ATXN7: variants seen among roughly 807,000 people sequenced by gnomAD.
ATXN7 encodes ataxin 7.
Under a neutral mutation model 70.5 loss-of-function variants are expected in ATXN7, and 12 were observed. The observed-to-expected ratio is 0.17, with a 90% CI of 0.11 to 0.28. The LOEUF (loss-of-function observed/expected upper bound fraction) is 0.28. Ranked by LOEUF, ATXN7 falls within the 10% of genes least tolerant of loss-of-function variation. The pLI is 1.00. For missense variants in ATXN7, 1,256 were observed against 1,131.7 expected (o/e 1.11, Z -1.58); for synonymous variants, 498 against 448.7 (o/e 1.11, Z -1.39).
At chr3:63,967,226 T>C (rs894603255) in intron 5 of ATXN7, among the ~76,000 whole-genome samples, 1 of 152,168 alleles carries the variant, frequency 6.6e-6, no homozygotes, top group African/African-American at 2.4e-5. Context: ...AATTCTTGGA[T>C]TTAAAAGTAT....
intron 6 of ATXN7, 137 bp downstream of exon 6, chr3:63,980,304 T>C (rs1575981952): frequency 8.3e-7 from 1 of 1,204,258 alleles, no homozygotes; most frequent in East Asian, 2.4e-5. Flanking sequence ...GTTGTATTGT[T>C]TCTTGATGTT....
intron 11 of ATXN7, among the ~76,000 whole-genome samples, chr3:63,994,883 C>A (rs1300796752): frequency 1.3e-5 from 2 of 152,238 alleles, no homozygotes; most frequent in African/African-American, 4.8e-5. Context: ...AAATACCTTG[C>A]CCACACATTC....
chr3:63,918,975 G>A (rs1255173517), intron 4 of ATXN7, among the ~76,000 whole-genome samples: 1 of 152,142 alleles, frequency 6.6e-6, no homozygotes, highest in African/African-American at 2.4e-5. Context: ...CAGCTCCTGT[G>A]CGTGTCTCCT....
intron 2 of ATXN7, among the ~76,000 whole-genome samples, chr3:63,903,386 C>CA (rs775558434): frequency 0.18 from 8,507 of 46,560 alleles, 672 homozygotes; most frequent in Middle Eastern, 0.24. Flanking sequence ...GACTCCGTCT[C>CA]AAAAAAAAAA....
intron 12 of ATXN7, chr3:63,998,112 T>C (rs1559664562): frequency 1.0e-6 from 1 of 983,334 alleles, no homozygotes; most frequent in Non-Finnish European, 1.2e-6. Context: ...TGCTGTAATG[T>C]CCATCTCACA....
intron 1 of ATXN7, among the ~76,000 whole-genome samples, chr3:63,880,295 A>G (rs926016752): frequency 2.0e-5 from 3 of 152,204 alleles, no homozygotes; most frequent in Non-Finnish European, 4.4e-5. Flanking sequence ...AAAGTGATGT[A>G]GTCTGTCTTT....
At chr3:63,865,898 A>C (rs1236119397) in intron 1 of ATXN7, among the ~76,000 whole-genome samples, 1 of 133,462 alleles carries the variant, frequency 7.5e-6, no homozygotes, top group Non-Finnish European at 1.6e-5. Flanking sequence ...CCATCTCAAA[A>C]AAAAAAAAAA....
At chr3:63,994,936 G>A (rs1444777488) in intron 11 of ATXN7, among the ~76,000 whole-genome samples, 1 of 152,190 alleles carries the variant, frequency 6.6e-6, no homozygotes, top group East Asian at 1.9e-4. Context: ...AATATCCCTT[G>A]ATACTGTGGG....
Position 63,990,188 on chromosome 3 carries a change from C to T in ATXN7, c.1374C>T (p.Cys458=), listed in dbSNP as rs779008782. 7 of 1,613,148 alleles carry T rather than the reference C, an allele frequency of 4.3e-6. No homozygotes were observed. In the South Asian group the frequency reaches 5.5e-5, roughly 13 times the overall value. The change falls in exon 10 of 13, where the codon TGC becomes TGT. Residue 458 remains cysteine, a synonymous_variant. Coordinates refer to ENST00000674280, the MANE Select transcript of ATXN7 (RefSeq NM_001377405.1). ...TCTACTCACCAAGGCCTCCAGGCTG[C>T]CCTGCTCAGCAAGGTGGGAGTGCCC... The part of the protein sequence containing the change: ...HTPSLPRPPG[C]PAQQGGSAPI...
At chr3:63,895,890 C>G (rs559044489) in intron 1 of ATXN7, among the ~76,000 whole-genome samples, 1 of 152,186 alleles carries the variant, frequency 6.6e-6, no homozygotes, top group South Asian at 2.1e-4. Context: ...GCAGCACATT[C>G]ATTCTTTCAT....
chr3:63,974,019 G>A (rs1353052131), intron 5 of ATXN7, among the ~76,000 whole-genome samples: 2 of 152,148 alleles, frequency 1.3e-5, no homozygotes, highest in Non-Finnish European at 2.9e-5. Context: ...TCCAGTCCTA[G>A]GATTTAACCT....
intron 1 of ATXN7, among the ~76,000 whole-genome samples, chr3:63,871,755 C>T (rs1181226335): frequency 6.6e-6 from 1 of 151,758 alleles, no homozygotes; most frequent in African/African-American, 2.4e-5. Context: ...AAGAAAATGC[C>T]AGGAGCAAGA....
intron 4 of ATXN7, among the ~76,000 whole-genome samples, chr3:63,930,532 ATT>A (rs60958975): frequency 4.3e-4 from 62 of 144,060 alleles, no homozygotes; most frequent in African/African-American, 6.7e-4. Flanking sequence ...AGAGTTTACA[ATT>A]TTTTTTTTTT....
intron 4 of ATXN7, among the ~76,000 whole-genome samples, chr3:63,918,414 GTCT>G (rs1017643606): frequency 2.8e-4 from 43 of 152,234 alleles, no homozygotes; most frequent in African/African-American, 1.0e-3. Context: ...GGTTTCTTTT[GTCT>G]TCTTTTCTCC....
At chr3:63,864,470 C>G (rs1702342275) in intron 1 of ATXN7, 1 of 152,074 alleles carries the variant, frequency 6.6e-6, no homozygotes, top group South Asian at 2.1e-4. Context: ...GGGGCGCGGC[C>G]GGCAATCAAA....
intron 4 of ATXN7, among the ~76,000 whole-genome samples, chr3:63,942,196 A>G (rs995692817): frequency 3.9e-5 from 6 of 152,186 alleles, no homozygotes; most frequent in African/African-American, 1.4e-4. Context: ...GAGTAATTCA[A>G]GAAGGGCACT....
chr3:63,880,043 G>A (rs922672072), intron 1 of ATXN7, among the ~76,000 whole-genome samples: 4 of 151,912 alleles, frequency 2.6e-5, no homozygotes, highest in Admixed American at 6.6e-5. Context: ...CTGAGATCGC[G>A]CCACTGCACT....
intron 9 of ATXN7, 186 bp downstream of exon 9, chr3:63,988,510 C>T (rs1384975670): frequency 5.2e-6 from 4 of 765,684 alleles, no homozygotes; most frequent in South Asian, 3.8e-5. Context: ...AACCAGGGCT[C>T]CTCTTGGTTG....
At chr3:63,912,491 C>T (rs1368387345) in intron 2 of ATXN7, 97 bp from the exon 3 acceptor site, 5 of 811,040 alleles carry the variant, frequency 6.2e-6, no homozygotes, top group African/African-American at 3.8e-5. Context: ...GTGCCCCACC[C>T]GGTCCGCGGG....
Sources: gnomAD v4.1 joint callset for allele counts (sites outside exome capture counted in the v4.1 genomes callset) on GRCh38, gnomAD v4.1.1 for gene constraint, MANE v1.5 for transcripts, NCBI Gene and HGNC (gene_info 2026-07-23, HGNC 2026-07-21) for gene names.